CA10: variants seen among roughly 807,000 people sequenced by gnomAD.
The protein encoded by CA10 is carbonic anhydrase-related protein 10.
A neutral mutation model predicts 44.2 loss-of-function variants in CA10; 14 were observed. The observed-to-expected ratio is 0.32, with a 90% CI of 0.21 to 0.50. The LOEUF (loss-of-function observed/expected upper bound fraction) is 0.50. Ranked by LOEUF, CA10 falls within the 20% of genes least tolerant of loss-of-function variation. The pLI, the probability that CA10 is intolerant of heterozygous loss-of-function variation, is 0.99. For missense variants in CA10, 350 were observed against 409.7 expected (o/e 0.85, Z 1.26); for synonymous variants, 159 against 141.6 (o/e 1.12, Z -0.87).
chr17:51,653,778 A>G (rs1215912357), intron 4 of CA10, 42 bp from the exon 5 acceptor site: 1 of 1,178,832 alleles, frequency 8.5e-7, no homozygotes, highest in African/African-American at 1.5e-5. Flanking sequence ...ATAATCCAAC[A>G]TTAAAAGGTA....
intron 2 of CA10, among the ~76,000 whole-genome samples, chr17:52,020,233 T>C (rs1567705508): frequency 6.6e-6 from 1 of 151,996 alleles, no homozygotes; most frequent in African/African-American, 2.4e-5. Flanking sequence ...TTTCAGATAT[T>C]TTTGGCATTT....
rs1430521817 is a variant in CA10, at chr17:51,717,755, A to G, written c.465+29878T>C. The stretch of plus-strand genomic sequence containing the variant: ...TATATACGTATATATACATGTATAT[A>G]TACGTATATATGTATACATATATGC... On this transcript the variant is annotated intron_variant, in intron 4 of 8. Coordinates refer to ENST00000451037, the MANE Select transcript of CA10 (RefSeq NM_020178.5). 3.6e-4 allele frequency among the ~76,000 whole-genome samples: 18 copies of G among 49,870 alleles called. 2 individuals carry two copies. The highest frequency in any genetic ancestry group is 1.7e-3 in the Admixed American group (6 of 3,576). The allele number at this position is 49,870 out of a possible 152,430, so 32.7% of individuals were successfully genotyped here. A position where few individuals can be genotyped will look rare whatever the true frequency, so the allele number is the denominator to read the frequency against.
At chr17:51,767,168 T>C (rs1289450638) in intron 3 of CA10, among the ~76,000 whole-genome samples, 1 of 152,224 alleles carries the variant, frequency 6.6e-6, no homozygotes, top group Non-Finnish European at 1.5e-5. Context: ...ATTATGCCTG[T>C]ATTTAGAGAT....
chr17:52,154,183 A>C (rs534331792), intron 1 of CA10, among the ~76,000 whole-genome samples: 1 of 152,368 alleles, frequency 6.6e-6, no homozygotes, highest in East Asian at 1.9e-4. Context: ...AATAAAAAAT[A>C]TTAAATAAAA....
At chr17:52,033,321 T>C (rs1420248522) in intron 2 of CA10, among the ~76,000 whole-genome samples, 1 of 152,196 alleles carries the variant, frequency 6.6e-6, no homozygotes, top group African/African-American at 2.4e-5. Context: ...CATAAAGGCA[T>C]AGGTTAATAC....
intron 3 of CA10, among the ~76,000 whole-genome samples, chr17:51,750,633 T>C (rs1211948736): frequency 6.6e-6 from 1 of 152,232 alleles, no homozygotes; most frequent in East Asian, 1.9e-4. Context: ...TTACTATGTA[T>C]TGCTGCATCC....
intron 1 of CA10, among the ~76,000 whole-genome samples, chr17:52,103,912 G>A (rs888275988): frequency 3.9e-5 from 6 of 152,210 alleles, no homozygotes; most frequent in African/African-American, 1.4e-4. Flanking sequence ...GACTGATATA[G>A]TGAAGCAAGC....
intron 2 of CA10, among the ~76,000 whole-genome samples, chr17:51,934,833 T>C (rs1034205315): frequency 2.0e-5 from 3 of 152,130 alleles, no homozygotes; most frequent in Non-Finnish European, 4.4e-5. Flanking sequence ...ATAATTAAGA[T>C]ATTGAAGCTA....
At chr17:51,743,479 A>G (rs1904543384) in intron 4 of CA10, among the ~76,000 whole-genome samples, 1 of 152,228 alleles carries the variant, frequency 6.6e-6, no homozygotes. Flanking sequence ...ACCAATCCCC[A>G]ACAAGGAATC....
intron 4 of CA10, among the ~76,000 whole-genome samples, chr17:51,722,130 C>T (rs1916369259): frequency 6.6e-6 from 1 of 152,034 alleles, no homozygotes; most frequent in Non-Finnish European, 1.5e-5. Context: ...AATTGTAGAA[C>T]CGTCAGCTGG....
At chr17:52,063,133 T>C (rs1286008309) in intron 2 of CA10, among the ~76,000 whole-genome samples, 2 of 152,344 alleles carry the variant, frequency 1.3e-5, no homozygotes, top group African/African-American at 4.8e-5. Context: ...TAGACTTCCA[T>C]GAAGACTGCT....
chr17:52,014,751 T>C (rs912935775), intron 2 of CA10, among the ~76,000 whole-genome samples: 6 of 151,856 alleles, frequency 4.0e-5, no homozygotes, highest in Non-Finnish European at 7.4e-5. Context: ...GATAAAAAAA[T>C]AGGCAAATAA....
chr17:51,833,504 C>A (rs909832287), intron 3 of CA10, among the ~76,000 whole-genome samples: 2 of 152,234 alleles, frequency 1.3e-5, no homozygotes, highest in African/African-American at 4.8e-5. Context: ...AAGCACTGAA[C>A]TTACTAGAGG....
chr17:52,022,853 T>A (rs1413841145), intron 2 of CA10, among the ~76,000 whole-genome samples: 14 of 151,920 alleles, frequency 9.2e-5, no homozygotes, highest in Admixed American at 9.2e-4. Context: ...AAAATCCTAT[T>A]TACAATAGCA....
chr17:51,648,946 C>T (rs1221449290), intron 6 of CA10, among the ~76,000 whole-genome samples: 1 of 151,234 alleles, frequency 6.6e-6, no homozygotes, highest in Non-Finnish European at 1.5e-5. Context: ...TAACGATGAC[C>T]ACCATAGTCA....
At chr17:51,773,918 T>C (rs879278193) in intron 3 of CA10, among the ~76,000 whole-genome samples, 6 of 152,368 alleles carry the variant, frequency 3.9e-5, no homozygotes, top group Non-Finnish European at 7.3e-5. Context: ...GGTTTCTGCC[T>C]GAGCATATTT....
chr17:51,874,767 G>T (rs1033742202), intron 3 of CA10, among the ~76,000 whole-genome samples: 3 of 152,082 alleles, frequency 2.0e-5, no homozygotes, highest in African/African-American at 7.2e-5. Context: ...GATATGAGTT[G>T]AAATAACTCT....
intron 3 of CA10, among the ~76,000 whole-genome samples, chr17:51,822,368 A>G (rs1049252061): frequency 6.6e-6 from 1 of 152,140 alleles, no homozygotes; most frequent in South Asian, 2.1e-4. Flanking sequence ...ATGAGCCAGG[A>G]TCCACCACTG....
chr17:52,103,336 C>T (rs190847008), intron 1 of CA10, among the ~76,000 whole-genome samples: 9 of 152,324 alleles, frequency 5.9e-5, no homozygotes, highest in Admixed American at 2.0e-4. Context: ...CAACTCCCTG[C>T]CAGTCACTCT....
Sources: gnomAD v4.1 joint callset for allele counts (sites outside exome capture counted in the v4.1 genomes callset) on GRCh38, gnomAD v4.1.1 for gene constraint, MANE v1.5 for transcripts, NCBI Gene and HGNC (gene_info 2026-07-23, HGNC 2026-07-21) for gene names.